Variants in GCNT1 observed in about 807,000 individuals in gnomAD.
GCNT1 encodes beta-1,3-galactosyl-O-glycosyl-glycoprotein beta-1,6-N-acetylglucosaminyltransferase.
A neutral mutation model predicts 26.2 loss-of-function variants in GCNT1; 16 were observed. The ratio of observed to expected loss-of-function variants is 0.61; its 90% CI spans 0.41 to 0.93. GCNT1 has a LOEUF of 0.93. GCNT1 is among the 40% of genes least tolerant of loss of function. The pLI is 0.00. For synonymous variants in GCNT1, 183 were observed against 190.8 expected, an observed-to-expected ratio of 0.96 and a Z score of 0.34; for missense variants, 477 against 526.7, an observed-to-expected ratio of 0.91 and a Z score of 0.92.
chr9:76,417,833 C>T (rs1823146037), upstream of GCNT1, among the ~76,000 whole-genome samples: 1 of 152,192 alleles, frequency 6.6e-6, no homozygotes, highest in South Asian at 2.1e-4. Flanking sequence ...TGGCAAAGCT[C>T]ACACATCACC....
the GCNT1 span, among the ~76,000 whole-genome samples, chr9:76,404,940 C>T: frequency 1.2e-4 from 18 of 151,974 alleles, no homozygotes; most frequent in Non-Finnish European, 2.1e-4. Flanking sequence ...CTCAGCCTCC[C>T]AAGTAGCTGG....
At chr9:76,436,203 C>T (rs577922598) in intron 1 of GCNT1, among the ~76,000 whole-genome samples, 4 of 151,928 alleles carry the variant, frequency 2.6e-5, no homozygotes, top group South Asian at 2.1e-4. Context: ...CCACCTACCT[C>T]GGCCTCCATC....
chr9:76,487,548 C>T (rs908196935), intron 2 of GCNT1, among the ~76,000 whole-genome samples: 18 of 152,076 alleles, frequency 1.2e-4, no homozygotes, highest in Admixed American at 2.6e-4. Context: ...CATGAGCCAC[C>T]GCGCCCAGCC....
Position 76,480,543 on chromosome 9 carries a change from GC to G in GCNT1, c.-290+20367del, listed in dbSNP as rs1564239407. Among the ~76,000 whole-genome samples the G allele has an allele frequency of 3.3e-5, 5 of 152,222 alleles. No individual in the cohort carries two copies. The East Asian group carries it at 7.7e-4, about 24-fold the overall frequency. ...ACTGAGGGTGTATTTCATCTTTCCT[GC>G]AAAGTCAATAGGCAGAAAGGGTAGG... On this transcript the variant is annotated intron_variant, in intron 2 of 3. Transcript: ENST00000376730.
At chr9:76,466,902 C>CCTGGAAAGTGTTAT in intron 2 of GCNT1, among the ~76,000 whole-genome samples, 1 of 152,118 alleles carries the variant, frequency 6.6e-6, no homozygotes, top group Non-Finnish European at 1.5e-5. Flanking sequence ...TGTTTGGCTC[C>CCTGGAAAGTGTTAT]CTGGAAAGTG....
rs1446967399 is a variant in GCNT1 at position 76,504,137 on chromosome 9, T to C, written c.*469T>C. ...TAATCTGATATTATATTTGTTGAAA[T>C]AGAAATTTGATTGTACTATAAATGA... On this transcript the variant is annotated 3_prime_UTR_variant, in exon 4 of 4. Transcript: ENST00000376730. The C allele has an allele frequency of 5.1e-6, 1 of 197,360 alleles. No homozygotes were observed. The highest frequency in any genetic ancestry group is 1.2e-5 in the Non-Finnish European group (1 of 84,702). The allele number at this position is 197,360 out of a possible 1,614,324, so 12.2% of individuals were successfully genotyped here.
At chr9:76,495,647 C>G (rs548494208) in intron 2 of GCNT1, among the ~76,000 whole-genome samples, 4 of 152,278 alleles carry the variant, frequency 2.6e-5, no homozygotes, top group African/African-American at 9.6e-5. Flanking sequence ...TAGCTAGACA[C>G]AGAGCACTGA....
intron 1 of GCNT1, among the ~76,000 whole-genome samples, chr9:76,428,838 T>C (rs1012273832): frequency 4.6e-5 from 7 of 151,862 alleles, no homozygotes; most frequent in Admixed American, 1.3e-4. Context: ...GTAGCTGGGA[T>C]TACAGGCATG....
In GCNT1 at chr9:76,500,931, C is replaced by A. The variant is rs538907978; in HGVS notation, c.-274C>A. ...AATTTCACAGATTTCTTTAAAGACT[C>A]GTGCAGCACATCATTATCGCTGGAT... On this transcript the variant is annotated 5_prime_UTR_variant, in exon 3 of 4. Coordinates refer to ENST00000376730, the MANE Select transcript of GCNT1 (RefSeq NM_001490.5). 2.0e-5 allele frequency: 3 copies of A among 152,124 alleles called. No homozygotes were observed. The highest frequency in any genetic ancestry group is 7.2e-5 in the African/African-American group (3 of 41,422). The allele number at this position is 152,124 out of a possible 1,614,324, so 9.4% of individuals were successfully genotyped here.
upstream of GCNT1, among the ~76,000 whole-genome samples, chr9:76,441,208 C>T (rs190750615): frequency 2.2e-4 from 34 of 152,134 alleles, 1 homozygote; most frequent in Admixed American, 5.2e-4. Flanking sequence ...TGCAGTGGCG[C>T]GATCTCAGCT....
chr9:76,414,309 C>T, the GCNT1 span, among the ~76,000 whole-genome samples: 1 of 152,090 alleles, frequency 6.6e-6, no homozygotes, highest in Admixed American at 6.6e-5. Context: ...AAAAGTACAC[C>T]TTTAGCGATG....
In GCNT1 at chr9:76,506,359, C is replaced by G. The variant is rs12342008; in HGVS notation, c.*2691C>G. 4.8e-5 allele frequency: 8 copies of G among 166,652 alleles called. No individual in the cohort carries two copies. Among genetic ancestry groups the G allele is most frequent in the African/African-American group, 1.9e-4 (8 of 41,310 alleles). 10.3% of individuals were successfully genotyped at this position (166,652 alleles called of 1,614,324 possible). A position where few individuals can be genotyped will look rare whatever the true frequency, so the allele number is the denominator to read the frequency against. ...TTCAAGACCAGCCTAGCCAACATGA[C>G]GAAACCCCATCTCTACTGAAAATAG... On this transcript the variant is annotated 3_prime_UTR_variant, in exon 4 of 4. Coordinates refer to ENST00000376730, the MANE Select transcript of GCNT1 (RefSeq NM_001490.5).
chr9:76,424,042 T>G (rs1823231515), intron 1 of GCNT1, among the ~76,000 whole-genome samples: 2 of 152,200 alleles, frequency 1.3e-5, no homozygotes, highest in Admixed American at 1.3e-4. Context: ...GAATCAAAGG[T>G]GTAGCAATTG....
intron 2 of GCNT1, among the ~76,000 whole-genome samples, chr9:76,485,831 C>T (rs150760855): frequency 1.9e-3 from 285 of 152,194 alleles, no homozygotes; most frequent in African/African-American, 6.7e-3. Flanking sequence ...CTCCCAGGTT[C>T]AAGTGATTCT....
At chr9:76,394,371 G>C in the GCNT1 span, 2 of 502,586 alleles carry the variant, frequency 4.0e-6, no homozygotes, top group Non-Finnish European at 6.9e-6. Flanking sequence ...AAATACCGCC[G>C]GGCGCCTGAG....
intron 2 of GCNT1, among the ~76,000 whole-genome samples, chr9:76,481,966 A>C (rs1357906160): frequency 6.6e-6 from 1 of 152,190 alleles, no homozygotes; most frequent in African/African-American, 2.4e-5. Context: ...AGAGAAGCCA[A>C]ATCTTTTATA....
Position 76,476,427 on chromosome 9 carries a change from GA to G in GCNT1, c.-290+16261del, listed in dbSNP as rs757427639. Among the ~76,000 whole-genome samples the G allele has an allele frequency of 2.6e-3, 366 of 138,428 alleles. 3 individuals carry two copies. Among genetic ancestry groups the G allele is most frequent in the Admixed American group, 5.0e-3 (69 of 13,744 alleles). The allele number at this position is 138,428 out of a possible 152,430, so 90.8% of individuals were successfully genotyped here. On this transcript the variant is annotated intron_variant, in intron 2 of 3. Coordinates refer to ENST00000376730, the MANE Select transcript of GCNT1 (RefSeq NM_001490.5). The stretch of plus-strand genomic sequence containing the variant: ...TTATAAACTGCCTACTTTTAGATTT[GA>G]AAAAAAAAAAGAGAAAAAGAAAAAA...
chr9:76,415,976 G>A (rs1379660936), upstream of GCNT1, among the ~76,000 whole-genome samples: 1 of 152,106 alleles, frequency 6.6e-6, no homozygotes, highest in East Asian at 1.9e-4. Flanking sequence ...CAGGAGGCAG[G>A]GAAATACTGA....
intron 1 of GCNT1, among the ~76,000 whole-genome samples, chr9:76,443,029 G>A (rs1242966062): frequency 6.6e-6 from 1 of 152,106 alleles, no homozygotes; most frequent in African/African-American, 2.4e-5. Context: ...CAAGGTGGTA[G>A]CAATGGAGAT....
Sources: allele counts gnomAD v4.1 joint callset (sites outside exome capture counted in the v4.1 genomes callset), GRCh38; gene constraint gnomAD v4.1.1; transcripts MANE v1.5; gene names NCBI Gene and HGNC (gene_info 2026-07-23, HGNC 2026-07-21).